The following COL4A5 variants were observed in gnomAD, a reference collection of about 807,000 sequenced individuals.
COL4A5 encodes the protein collagen type IV alpha 5 chain, also known as collagen alpha-5(IV) chain.
In COL4A5, 26 loss-of-function variants were observed where a neutral mutation model predicts 130.2. The ratio of observed to expected loss-of-function variants is 0.20; its 90% CI spans 0.15 to 0.28. COL4A5 has a LOEUF of 0.28. COL4A5 is among the 10% of genes least tolerant of loss of function. COL4A5 has a pLI of 1.00. For synonymous variants in COL4A5, 496 were observed against 439.6 expected (o/e 1.13, Z -1.60); for missense variants, 1,131 against 1,344.3 (o/e 0.84, Z 2.48).
At chrX:108,505,312 A>C (rs1286810162) in intron 1 of COL4A5, among the ~76,000 whole-genome samples, 3 of 110,551 alleles carry the variant, frequency 2.7e-5, no homozygotes, top group Non-Finnish European at 5.7e-5. Context: ...GAGTACACTA[A>C]AATCCCAGAC....
chrX:108,679,156 T>C lies in COL4A5; in HGVS notation c.3942+1523T>C, dbSNP rs181634398. 1.5e-4 allele frequency among the ~76,000 whole-genome samples: 17 copies of C among 112,324 alleles called. No homozygotes were observed. In the East Asian group the frequency reaches 4.8e-3, roughly 31 times the overall value. On this transcript the variant is annotated intron_variant, in intron 44 of 52. Coordinates refer to ENST00000328300, the MANE Select transcript of COL4A5 (RefSeq NM_033380.3). ...TAGTTTTAATCATCCAGTCAAGTTG[T>C]TGCTCAGTTTCTCCACTGCATCATT...
chrX:108,692,887 A>G lies in COL4A5; in HGVS notation c.4668A>G (p.Gln1556=), dbSNP rs767410335. The change falls in exon 50 of 53, where the codon CAA becomes CAG. Residue 1556 remains glutamine, a synonymous_variant. Transcript: ENST00000328300. The stretch of plus-strand genomic sequence containing the variant: ...CAGAGCCCATGCCAATGAGCATGCA[A>G]CCCCTAAAGGGCCAGAGCATCCAGC... ...STPEPMPMSM[Q]PLKGQSIQPF... is the part of the protein sequence containing the mutation. 3.1e-5 allele frequency: 38 copies of G among 1,209,764 alleles called. No individual in the cohort carries two copies. Among genetic ancestry groups the G allele is most frequent in the Non-Finnish European group, 4.1e-5 (37 of 895,171 alleles).
rs772482601 is a variant in COL4A5, at chrX:108,570,204, G to A, written c.385-1209G>A. ...AATTTTGGATTCATGAGGACTAATC[G>A]TGTTCTTCATTTTAGCTAGGGCAAC... On this transcript the variant is annotated intron_variant, in intron 6 of 52. Coordinates refer to ENST00000328300, the MANE Select transcript of COL4A5 (RefSeq NM_033380.3). Among the ~76,000 whole-genome samples the A allele has an allele frequency of 1.6e-4, 18 of 111,577 alleles. 1 individual carries two copies. Among genetic ancestry groups the A allele is most frequent in the South Asian group, 3.8e-4 (1 of 2,664 alleles).
rs768206123 is a variant in COL4A5 at position 108,687,492 on chromosome X, T to A, written c.4326T>A (p.Gly1442=). The A allele has an allele frequency of 8.3e-7, 1 of 1,209,107 alleles. No homozygotes were observed. The highest frequency in any genetic ancestry group is 1.8e-5 in the African/African-American group (1 of 57,135). Residue 1442 remains glycine (G), a synonymous_variant, in exon 49 of 53, where the codon GGT becomes GGA. Transcript: ENST00000328300. ...ATTTCGTGGAAATAGGTACCCGTGG[T>A]TTGGATGGTCCCCCTGGTCCAGATG... ...PGLPGQPGTR[G]LDGPPGPDGL... is the part of the protein sequence containing the mutation.
chrX:108,565,830 G>T (rs1170305813), intron 4 of COL4A5, among the ~76,000 whole-genome samples: 2 of 111,363 alleles, frequency 1.8e-5, no homozygotes, highest in Non-Finnish European at 3.8e-5. Context: ...CTTTCTGGGG[G>T]TACAGAACTG....
At chrX:108,547,543 C>A (rs1010784856) in intron 2 of COL4A5, among the ~76,000 whole-genome samples, 2 of 112,086 alleles carry the variant, frequency 1.8e-5, no homozygotes, top group Admixed American at 1.9e-4. Context: ...CCCAGTTAGG[C>A]TACTCAGGGG....
At chrX:108,564,101 A>G (rs2065937482) in intron 4 of COL4A5, among the ~76,000 whole-genome samples, 175 bp downstream of exon 4, 1 of 111,715 alleles carries the variant, frequency 9.0e-6, no homozygotes, top group Non-Finnish European at 1.9e-5. Flanking sequence ...CTTCTTTAGT[A>G]TTTTGATAGC....
chrX:108,677,753 A>C, intron 44 of COL4A5, 120 bp downstream of exon 44: 1 of 902,304 alleles, frequency 1.1e-6, no homozygotes. Flanking sequence ...TGTGTGGCTC[A>C]CTGGCGAATT....
intron 13 of COL4A5, among the ~76,000 whole-genome samples, chrX:108,580,127 G>A (rs1188795253): frequency 1.8e-5 from 2 of 110,982 alleles, no homozygotes; most frequent in Non-Finnish European, 3.8e-5. Context: ...TTTAGATACA[G>A]GGGGTACATG....
At chrX:108,553,644 A>G (rs1231253800) in intron 2 of COL4A5, among the ~76,000 whole-genome samples, 17 of 107,471 alleles carry the variant, frequency 1.6e-4, no homozygotes, top group African/African-American at 5.1e-4. Context: ...GATTATTGGT[A>G]TAAGTGGAAA....
intron 2 of COL4A5, among the ~76,000 whole-genome samples, chrX:108,550,533 G>A (rs2065736269): frequency 9.0e-6 from 1 of 111,656 alleles, no homozygotes; most frequent in Admixed American, 9.5e-5. Flanking sequence ...TAAACTAGGA[G>A]TAGAAGAGAT....
chrX:108,453,667 C>T (rs944108643), intron 1 of COL4A5, among the ~76,000 whole-genome samples: 6 of 111,168 alleles, frequency 5.4e-5, no homozygotes, highest in East Asian at 5.7e-4. Context: ...ACTGCTATAC[C>T]GAGGCCAACT....
intron 21 of COL4A5, among the ~76,000 whole-genome samples, chrX:108,592,208 A>G (rs1466862986): frequency 2.7e-5 from 3 of 111,361 alleles, no homozygotes; most frequent in Non-Finnish European, 5.7e-5. Context: ...TTACTTACCT[A>G]CTTGCACCTG....
chrX:108,571,774 A>C lies in COL4A5; in HGVS notation c.439-37A>C, dbSNP rs181939097. ...TCTGTAATTGGCGTGTTTCTCTCTC[A>C]TACATATAAAATAATCCCTTTTCTT... On this transcript the variant is annotated intron_variant, in intron 7 of 52. Coordinates refer to ENST00000328300, the MANE Select transcript of COL4A5 (RefSeq NM_033380.3). 47 of 1,061,671 alleles carry C rather than the reference A, an allele frequency of 4.4e-5. No individual in the cohort carries two copies. In the African/African-American group the frequency reaches 7.2e-4, roughly 16 times the overall value. 87.5% of individuals were successfully genotyped at this position (1,061,671 alleles called of 1,213,427 possible).
intron 4 of COL4A5, among the ~76,000 whole-genome samples, chrX:108,567,339 A>G (rs1039239290): frequency 9.0e-6 from 1 of 111,627 alleles, no homozygotes; most frequent in African/African-American, 3.3e-5. Flanking sequence ...TTTCCTTTTT[A>G]CCTTTTTTAA....
intron 2 of COL4A5, among the ~76,000 whole-genome samples, chrX:108,541,864 G>A (rs1443400853): frequency 9.0e-6 from 1 of 111,662 alleles, no homozygotes; most frequent in South Asian, 3.8e-4. Context: ...CTCTTCAGAG[G>A]AAGTTAAGAG....
chrX:108,648,830 C>G (rs1263499018), intron 36 of COL4A5, among the ~76,000 whole-genome samples: 1 of 111,296 alleles, frequency 9.0e-6, no homozygotes, highest in Non-Finnish European at 1.9e-5. Context: ...AGAACTGGAA[C>G]AAGACAAGGA....
rs2068175194 is a variant in COL4A5, at chrX:108,670,301, G to A, written c.3799+65G>A. On this transcript the variant is annotated intron_variant, in intron 42 of 52. Transcript: ENST00000328300. ...TGAAACTTATATACCTGTACCAAATGTTTTCAAGTGTTTGAATGTATTTTA... is the reference window on the plus strand; with the variant it reads ...TGAAACTTATATACCTGTACCAAATATTTTCAAGTGTTTGAATGTATTTTA... 2.5e-6 allele frequency: 3 copies of A among 1,195,499 alleles called. No individual in the cohort carries two copies. The South Asian group carries it at 5.6e-5, about 22-fold the overall frequency.
intron 1 of COL4A5, among the ~76,000 whole-genome samples, chrX:108,442,445 A>G (rs1487772305): frequency 1.8e-5 from 2 of 111,888 alleles, no homozygotes; most frequent in East Asian, 5.6e-4. Flanking sequence ...AGTTGGAAAT[A>G]TAATTTTTAG....
Sources: gnomAD v4.1 joint callset for allele counts (sites outside exome capture counted in the v4.1 genomes callset) on GRCh38, gnomAD v4.1.1 for gene constraint, MANE v1.5 for transcripts, NCBI Gene and HGNC (gene_info 2026-07-23, HGNC 2026-07-21) for gene names.